Variants in ANKRD36C observed in about 807,000 individuals in gnomAD.
ANKRD36C encodes ankyrin repeat domain 36C, also known as ankyrin repeat domain-containing protein 36C.
A neutral mutation model predicts 276.4 loss-of-function variants in ANKRD36C; 61 were observed. The observed-to-expected ratio is 0.22, with a 90% CI of 0.18 to 0.27. The LOEUF is 0.27. Ranked by LOEUF, ANKRD36C falls within the 10% of genes least tolerant of loss-of-function variation. The probability of loss-of-function intolerance (pLI) is 1.00; values close to 1 mark genes in which losing one functional copy is unlikely to be tolerated. For missense variants in ANKRD36C, 1,447 were observed against 2,032.3 expected (o/e 0.71, Z 5.54); for synonymous variants, 483 against 680.1 (o/e 0.71, Z 4.51).
At chr2:95,934,422 C>G (rs1249495877) in intron 24 of ANKRD36C, among the ~76,000 whole-genome samples, 1 of 151,966 alleles carries the variant, frequency 6.6e-6, no homozygotes, top group East Asian at 1.9e-4. Flanking sequence ...ACTATGCAGC[C>G]ATTAAAAAAG....
At chr2:95,944,914 G>T (rs553217044) in intron 18 of ANKRD36C, among the ~76,000 whole-genome samples, 200 bp downstream of exon 18, 2 of 152,416 alleles carry the variant, frequency 1.3e-5, no homozygotes, top group South Asian at 4.1e-4. Context: ...GTGCACACCT[G>T]TAATCCCAGC....
intron 14 of ANKRD36C, among the ~76,000 whole-genome samples, chr2:95,953,494 T>C (rs200403902): frequency 6.6e-6 from 1 of 151,710 alleles, no homozygotes; most frequent in African/African-American, 2.4e-5. Flanking sequence ...AAAGAAACTA[T>C]ATGCTATGTG....
chr2:95,924,313 C>G (rs1478930214), intron 30 of ANKRD36C, among the ~76,000 whole-genome samples: 1 of 151,466 alleles, frequency 6.6e-6, no homozygotes, highest in Non-Finnish European at 1.5e-5. Context: ...TCTAGTTTAG[C>G]CTTCAGTAAT....
chr2:95,942,336 A>G (rs1677916969), intron 19 of ANKRD36C, among the ~76,000 whole-genome samples: 1 of 152,386 alleles, frequency 6.6e-6, no homozygotes, highest in South Asian at 2.1e-4. Context: ...GATATAAAAT[A>G]TATTTTCTTA....
At chr2:95,874,954 G>C (rs1250517833) in intron 59 of ANKRD36C, among the ~76,000 whole-genome samples, 1 of 152,202 alleles carries the variant, frequency 6.6e-6, no homozygotes, top group Non-Finnish European at 1.5e-5. Context: ...AGCCATCAGA[G>C]AAATGCAAAT....
chr2:95,917,152 C>A (rs1393715909), intron 36 of ANKRD36C, among the ~76,000 whole-genome samples: 2 of 151,564 alleles, frequency 1.3e-5, no homozygotes, highest in African/African-American at 2.4e-5. Flanking sequence ...GTAAAGTCAA[C>A]AAAACATGTA....
rs201622716 is a variant in ANKRD36C, at chr2:95,917,418, G to A, written c.2347+437C>T. On this transcript the variant is annotated intron_variant, in intron 36 of 66. Coordinates refer to ENST00000456556, the Ensembl canonical transcript of ANKRD36C. ...TTGGAAAATAATTGCTACATCAGGG[G>A]TCTCCTTAGTTCTCATTCTACAGTG... 4.0e-5 allele frequency among the ~76,000 whole-genome samples: 6 copies of A among 151,470 alleles called. No homozygotes were observed. The East Asian group carries it at 5.9e-4, about 15-fold the overall frequency.
chr2:95,903,305 T>C (rs1403659251), intron 42 of ANKRD36C, among the ~76,000 whole-genome samples: 1 of 150,506 alleles, frequency 6.6e-6, no homozygotes, highest in African/African-American at 2.4e-5. Flanking sequence ...ATGGTATGAT[T>C]TGTCATATGC....
chr2:95,928,414 G>GAGTA (rs1389464782), intron 26 of ANKRD36C, among the ~76,000 whole-genome samples: 1 of 151,510 alleles, frequency 6.6e-6, no homozygotes, highest in Non-Finnish European at 1.5e-5. Context: ...TAACAAAGAG[G>GAGTA]AGTAATGAGT....
chr2:95,867,665 C>T (rs1410782017), intron 59 of ANKRD36C, 84 bp from the exon 80 acceptor site: 1 of 1,539,716 alleles, frequency 6.5e-7, no homozygotes, highest in East Asian at 2.4e-5. Flanking sequence ...AATTGCCCAT[C>T]TGTTTATATG....
At chr2:95,917,863 G>T in exon 36 of ANKRD36C, 1 of 1,599,980 alleles carries the variant, frequency 6.3e-7, no homozygotes, top group Non-Finnish European at 8.5e-7. Context: ...ACCTGTCCCA[G>T]ATTTTTCTCC....
chr2:95,923,088 C>T (rs554133304), intron 32 of ANKRD36C, among the ~76,000 whole-genome samples: 27 of 151,540 alleles, frequency 1.8e-4, no homozygotes, highest in Non-Finnish European at 3.4e-4. Context: ...AGTTCTCGTT[C>T]TACAATTTTT....
chr2:95,938,147 T>A (rs1200554065), intron 22 of ANKRD36C, among the ~76,000 whole-genome samples: 6 of 152,276 alleles, frequency 3.9e-5, no homozygotes, highest in Non-Finnish European at 8.8e-5. Flanking sequence ...AGTGCAAGTA[T>A]CTTGTAAAGT....
intron 34 of ANKRD36C, 32 bp from the exon 36 acceptor site, chr2:95,919,837 A>G (rs1677216928): frequency 6.6e-7 from 1 of 1,519,182 alleles, no homozygotes; most frequent in East Asian, 2.8e-5. Context: ...ATAATAAATA[A>G]ATAAATCAAT....
chr2:95,917,948 A>C (rs761690734), intron 35 of ANKRD36C, 21 bp from the exon 38 acceptor site: 2 of 1,600,362 alleles, frequency 1.2e-6, no homozygotes, highest in Non-Finnish European at 8.5e-7. Flanking sequence ...TTTGAAAGAA[A>C]ATAATAAATA....
At chr2:95,915,908 C>A (rs1034651945) in intron 38 of ANKRD36C, 72 bp downstream of exon 40, 7 of 1,501,846 alleles carry the variant, frequency 4.7e-6, no homozygotes, top group African/African-American at 2.8e-5. Context: ...ACCAGCCCCC[C>A]ACTGATTTAT....
intron 6 of ANKRD36C, among the ~76,000 whole-genome samples, chr2:95,969,610 C>T (rs991788430): frequency 7.9e-5 from 12 of 152,166 alleles, no homozygotes; most frequent in African/African-American, 2.7e-4. Context: ...CCAACAATAT[C>T]GTCATGGTTC....
chr2:95,966,304 T>C (rs1328497607), intron 6 of ANKRD36C, among the ~76,000 whole-genome samples: 1 of 152,196 alleles, frequency 6.6e-6, no homozygotes, highest in Non-Finnish European at 1.5e-5. Context: ...CATTGAGAAC[T>C]TACTTTTAAG....
chr2:95,933,207 T>C (rs1467846605), intron 24 of ANKRD36C, among the ~76,000 whole-genome samples: 1 of 152,310 alleles, frequency 6.6e-6, no homozygotes, highest in East Asian at 1.9e-4. Flanking sequence ...TAGTTTGAAG[T>C]CAGGTAGCGT....
Sources: allele counts gnomAD v4.1 joint callset (sites outside exome capture counted in the v4.1 genomes callset), GRCh38; gene constraint gnomAD v4.1.1; transcripts MANE v1.5; gene names NCBI Gene and HGNC (gene_info 2026-07-23, HGNC 2026-07-21).